Variants in MACROD2 observed in about 807,000 individuals in gnomAD.
The protein encoded by MACROD2 is ADP-ribose glycohydrolase MACROD2.
MACROD2 carries 36 observed loss-of-function variants against 70.4 expected under a neutral mutation model. The ratio of observed to expected loss-of-function variants is 0.51; its 90% CI spans 0.39 to 0.68. The LOEUF (loss-of-function observed/expected upper bound fraction) is 0.68, where lower values mean the gene tolerates loss of function less well. Among genes scored for constraint, MACROD2 ranks in the 30% least tolerant of loss-of-function variants. MACROD2 has a pLI of 0.00. For synonymous variants in MACROD2, 172 were observed against 178.8 expected, an observed-to-expected ratio of 0.96 and a Z score of 0.30; for missense variants, 496 against 538.4, an observed-to-expected ratio of 0.92 and a Z score of 0.78.
chr20:15,584,838 C>T (rs2048575282), intron 8 of MACROD2, among the ~76,000 whole-genome samples: 1 of 152,168 alleles, frequency 6.6e-6, no homozygotes, highest in Admixed American at 6.5e-5. Context: ...TCCTCCTCAC[C>T]CCTATTTTTC....
At chr20:14,900,769 T>C (rs954736086) in intron 5 of MACROD2, among the ~76,000 whole-genome samples, 8 of 151,994 alleles carry the variant, frequency 5.3e-5, no homozygotes, top group African/African-American at 1.2e-4. Flanking sequence ...GTTTCATTGG[T>C]TTTCTCTTTT....
At chr20:15,504,553 A>T (rs2047402595) in intron 8 of MACROD2, among the ~76,000 whole-genome samples, 1 of 152,138 alleles carries the variant, frequency 6.6e-6, no homozygotes, top group Non-Finnish European at 1.5e-5. Context: ...CACAACACAG[A>T]AGAGAAATAC....
At chr20:14,293,003 T>G (rs1195324562) in intron 3 of MACROD2, among the ~76,000 whole-genome samples, 3 of 151,858 alleles carry the variant, frequency 2.0e-5, no homozygotes, top group African/African-American at 7.3e-5. Flanking sequence ...TGCCAGGCAC[T>G]AGGCTAAGCA....
intron 8 of MACROD2, among the ~76,000 whole-genome samples, chr20:15,642,763 T>TTG (rs772270342): frequency 3.1e-4 from 47 of 151,994 alleles, no homozygotes; most frequent in Middle Eastern, 3.2e-3. Context: ...CTGTGTGTGT[T>TTG]TGTGTGTGTG....
intron 6 of MACROD2, among the ~76,000 whole-genome samples, chr20:15,370,522 ATGT>A (rs1226911807): frequency 6.6e-6 from 1 of 151,948 alleles, no homozygotes; most frequent in Non-Finnish European, 1.5e-5. Context: ...TTATTGACCA[ATGT>A]TGTCATCAGT....
chr20:14,848,563 C>T lies in MACROD2; in HGVS notation c.418+163604C>T, dbSNP rs1044193030. On this transcript the variant is annotated intron_variant, in intron 5 of 17. Coordinates refer to ENST00000684519, the MANE Select transcript of MACROD2 (RefSeq NM_001351661.2). Reference sequence around the variant, plus strand: ...GTGCATGACAAGTAAAAAGCAGGGCCGGAATTTGAATCCACATTCATTTGA... The same window carrying T: ...GTGCATGACAAGTAAAAAGCAGGGCTGGAATTTGAATCCACATTCATTTGA... Among the ~76,000 whole-genome samples, 295 of 152,022 alleles carry T rather than the reference C, an allele frequency of 1.9e-3. 3 individuals carry two copies. The highest frequency in any genetic ancestry group is 6.6e-3 in the African/African-American group (275 of 41,474).
intron 2 of MACROD2, among the ~76,000 whole-genome samples, chr20:14,020,365 C>G (rs961458228): frequency 6.6e-6 from 1 of 152,062 alleles, no homozygotes; most frequent in Admixed American, 6.6e-5. Flanking sequence ...CCCAGCTACT[C>G]GAGAGGCTGA....
intron 3 of MACROD2, among the ~76,000 whole-genome samples, chr20:14,364,794 C>A (rs2083256872): frequency 1.3e-5 from 2 of 152,116 alleles, no homozygotes; most frequent in South Asian, 4.1e-4. Flanking sequence ...GTAGTTCATT[C>A]CTCTTTGTGG....
intron 3 of MACROD2, among the ~76,000 whole-genome samples, chr20:14,106,802 A>G (rs533410905): frequency 2.0e-4 from 30 of 152,234 alleles, no homozygotes; most frequent in Admixed American, 1.8e-3. Flanking sequence ...AATCCAGACA[A>G]TTCTTCCAGA....
chr20:15,587,505 C>T (rs2048618696), intron 8 of MACROD2, among the ~76,000 whole-genome samples: 1 of 152,176 alleles, frequency 6.6e-6, no homozygotes, highest in African/African-American at 2.4e-5. Context: ...ACCCAAAAGT[C>T]CACAGTCCAA....
intron 5 of MACROD2, among the ~76,000 whole-genome samples, chr20:14,763,928 G>T (rs1172230195): frequency 1.3e-5 from 2 of 152,022 alleles, no homozygotes; most frequent in Non-Finnish European, 2.9e-5. Flanking sequence ...AGTCCTAAGG[G>T]GTTCACAAAC....
intron 8 of MACROD2, among the ~76,000 whole-genome samples, chr20:15,833,644 A>G (rs2064081801): frequency 6.6e-6 from 1 of 152,188 alleles, no homozygotes; most frequent in East Asian, 1.9e-4. Flanking sequence ...GCAAAGAAAG[A>G]TATTCTTAAA....
chr20:14,323,496 A>G (rs778797421), intron 3 of MACROD2: 1 of 152,132 alleles, frequency 6.6e-6, no homozygotes, highest in African/African-American at 2.4e-5. Context: ...GCTTGATTAC[A>G]TAGGCATGCT....
At chr20:15,184,227 A>G (rs2076519872) in intron 5 of MACROD2, among the ~76,000 whole-genome samples, 1 of 152,172 alleles carries the variant, frequency 6.6e-6, no homozygotes, top group African/African-American at 2.4e-5. Flanking sequence ...TGATATCCTA[A>G]CTAAAAGTAA....
Position 15,227,823 on chromosome 20 carries a change from GTTTTTTTTT to G in MACROD2, c.419-2099_419-2091del, listed in dbSNP as rs59129207. Among the ~76,000 whole-genome samples, 85 of 46,090 alleles carry G rather than the reference GTTTTTTTTT, an allele frequency of 1.8e-3. 3 individuals carry two copies. The highest frequency in any genetic ancestry group is 3.2e-3 in the African/African-American group (33 of 10,304). 30.2% of individuals were successfully genotyped at this position (46,090 alleles called of 152,430 possible). A position where few individuals can be genotyped will look rare whatever the true frequency, so the allele number is the denominator to read the frequency against. ...TAACTGGTGTGATAGAATTTCACCT[GTTTTTTTTT>G]TTTTTTTTTTTTTTTTTCAAATTTA... is the stretch of plus-strand genomic sequence containing the variant. On this transcript the variant is annotated intron_variant, in intron 5 of 17. Coordinates refer to ENST00000684519, the MANE Select transcript of MACROD2 (RefSeq NM_001351661.2).
intron 3 of MACROD2, among the ~76,000 whole-genome samples, chr20:14,162,552 G>A (rs1601297222): frequency 6.6e-6 from 1 of 152,158 alleles, no homozygotes; most frequent in African/African-American, 2.4e-5. Context: ...TCCAGTGTTG[G>A]GTGGAAATAT....
At chr20:15,313,817 C>T (rs1264579397) in intron 6 of MACROD2, among the ~76,000 whole-genome samples, 2 of 152,080 alleles carry the variant, frequency 1.3e-5, no homozygotes, top group Admixed American at 6.5e-5. Flanking sequence ...GGCATTTTTC[C>T]AACCAAAAAC....
At chr20:14,516,583 G>C (rs1013444788) in intron 4 of MACROD2, among the ~76,000 whole-genome samples, 1 of 152,044 alleles carries the variant, frequency 6.6e-6, no homozygotes, top group East Asian at 1.9e-4. Flanking sequence ...TCTTGTTTTT[G>C]TCAGGTTTGT....
chr20:15,542,387 T>C (rs2146569643), intron 8 of MACROD2, among the ~76,000 whole-genome samples: 1 of 152,344 alleles, frequency 6.6e-6, no homozygotes, highest in Admixed American at 6.5e-5. Flanking sequence ...TCATCATAAT[T>C]ATACCAGAGA....
Sources: gnomAD v4.1 joint callset for allele counts (sites outside exome capture counted in the v4.1 genomes callset) on GRCh38, gnomAD v4.1.1 for gene constraint, MANE v1.5 for transcripts, NCBI Gene and HGNC (gene_info 2026-07-23, HGNC 2026-07-21) for gene names.